The following PREX1 variants were observed in gnomAD, a reference collection of about 807,000 sequenced individuals.
The protein encoded by PREX1 is phosphatidylinositol-3,4,5-trisphosphate dependent Rac exchange factor 1, also known as phosphatidylinositol 3,4,5-trisphosphate-dependent Rac exchanger 1 protein.
PREX1 carries 41 observed loss-of-function variants against 198.3 expected under a neutral mutation model. The observed-to-expected ratio is 0.21, with a 90% CI of 0.16 to 0.27. PREX1 has a LOEUF of 0.27. Among genes scored for constraint, PREX1 ranks in the 10% least tolerant of loss-of-function variants. The pLI is 1.00. For missense variants in PREX1, 1,620 were observed against 2,200.7 expected, an observed-to-expected ratio of 0.74 and a Z score of 5.28; for synonymous variants, 843 against 887.2, an observed-to-expected ratio of 0.95 and a Z score of 0.89.
intron 17 of PREX1, 107 bp downstream of exon 17, chr20:48,658,029 C>T (rs759711215): frequency 2.9e-5 from 32 of 1,095,686 alleles, no homozygotes; most frequent in Non-Finnish European, 4.1e-5. Flanking sequence ...GAGGAGTCAG[C>T]GATCATTCCA....
At chr20:48,862,788 A>ATATATATAT in the PREX1 span, among the ~76,000 whole-genome samples, 34 of 49,814 alleles carry the variant, frequency 6.8e-4, no homozygotes, top group African/African-American at 3.1e-3. Flanking sequence ...CCTAAAAAAA[A>ATATATATAT]AAATATATAT....
chr20:48,684,905 A>G lies in PREX1; in HGVS notation c.1335-3570T>C, dbSNP rs567719927. ...GCGCCTACTGCTTCCTAAGCCAGGA[A>G]TGCTGTTCCCCACACCCTCTCATGG... On this transcript the variant is annotated intron_variant, in intron 10 of 39. Coordinates refer to ENST00000371941, the MANE Select transcript of PREX1 (RefSeq NM_020820.4). This position sits in a 1 kb window ranked among gnomAD's most constrained non-coding sequence, Gnocchi z 4.2. Among the ~76,000 whole-genome samples, 25 of 152,314 alleles carry G rather than the reference A, an allele frequency of 1.6e-4. No homozygotes were observed. The highest frequency in any genetic ancestry group is 3.2e-4 in the Non-Finnish European group (22 of 68,032).
chr20:48,761,591 C>T (rs527834467), intron 1 of PREX1, among the ~76,000 whole-genome samples: 5 of 151,796 alleles, frequency 3.3e-5, no homozygotes, highest in Non-Finnish European at 7.4e-5. Context: ...AACAACCTGT[C>T]ATGAAGAGGT....
At chr20:48,882,267 C>G in the PREX1 span, among the ~76,000 whole-genome samples, 1 of 151,866 alleles carries the variant, frequency 6.6e-6, no homozygotes, top group African/African-American at 2.4e-5. Context: ...CTTTGGGAGG[C>G]GGAGGCAGGC....
At chr20:48,650,403 C>A (rs2089485423) in intron 23 of PREX1, among the ~76,000 whole-genome samples, 197 bp from the exon 24 acceptor site, 1 of 152,236 alleles carries the variant, frequency 6.6e-6, no homozygotes, top group East Asian at 1.9e-4. Context: ...TGGAGGAACC[C>A]AAGGCCTCGG....
At chr20:48,878,919 G>A in the PREX1 span, among the ~76,000 whole-genome samples, 1 of 152,222 alleles carries the variant, frequency 6.6e-6, no homozygotes, top group Admixed American at 6.5e-5. Context: ...GATAATGGAA[G>A]TATTGAGGCT....
intron 1 of PREX1, among the ~76,000 whole-genome samples, chr20:48,758,460 C>A (rs1285511865): frequency 6.6e-6 from 1 of 152,046 alleles, no homozygotes; most frequent in East Asian, 1.9e-4. Context: ...GGTGTAGGGC[C>A]CCCCCGAGCT....
intron 3 of PREX1, among the ~76,000 whole-genome samples, chr20:48,740,293 C>G (rs754780364): frequency 1.3e-5 from 2 of 152,214 alleles, no homozygotes; most frequent in African/African-American, 4.8e-5. Context: ...AAATGCCTGT[C>G]ACAGAGACAG....
Position 48,636,634 on chromosome 20 carries a change from C to T in PREX1, c.3996G>A (p.Val1332=). 1 of 1,611,222 alleles carries T rather than the reference C, an allele frequency of 6.2e-7. No individual in the cohort carries two copies. The highest frequency in any genetic ancestry group is 8.5e-7 in the Non-Finnish European group (1 of 1,179,398). Residue 1332 remains valine, a synonymous_variant, in exon 32 of 40, where the codon GTG becomes GTA. Transcript: ENST00000371941. ...GCTTGGAGAAGGTGCACACGGCGGC[C>T]ACCAGGGCCTGGCAGAAGATCGCGT... The part of the protein sequence containing the change: ...RRDAIFCQAL[V]AAVCTFSKQL...
At chr20:48,839,654 T>C in the PREX1 span, among the ~76,000 whole-genome samples, 1 of 152,244 alleles carries the variant, frequency 6.6e-6, no homozygotes, top group Non-Finnish European at 1.5e-5. Context: ...GGCTGCGGAC[T>C]ACATTTCCCA....
intron 1 of PREX1, among the ~76,000 whole-genome samples, chr20:48,751,119 G>A (rs147976508): frequency 4.6e-5 from 7 of 152,210 alleles, no homozygotes; most frequent in Admixed American, 2.0e-4. Context: ...TTTGGAATGC[G>A]CCTGGCACAG....
intron 5 of PREX1, among the ~76,000 whole-genome samples, chr20:48,715,636 AATG>A (rs2089958739): frequency 6.6e-6 from 1 of 152,196 alleles, no homozygotes; most frequent in Non-Finnish European, 1.5e-5. Context: ...TGGGGTGATG[AATG>A]TAAAAGTCTT....
intron 5 of PREX1, among the ~76,000 whole-genome samples, chr20:48,711,416 T>C (rs545537396): frequency 1.3e-5 from 2 of 152,162 alleles, no homozygotes; most frequent in African/African-American, 4.8e-5. Flanking sequence ...ATCTGGACCT[T>C]TGTGAGGCCA....
intron 10 of PREX1, among the ~76,000 whole-genome samples, chr20:48,686,791 C>T (rs1029255297): frequency 1.2e-4 from 19 of 152,236 alleles, no homozygotes; most frequent in African/African-American, 4.8e-5. Flanking sequence ...GAGTCCATGG[C>T]GCCCTGCAGG....
intron 3 of PREX1, 73 bp from the exon 4 acceptor site, chr20:48,734,723 C>T: frequency 7.4e-7 from 1 of 1,350,912 alleles, no homozygotes; most frequent in Non-Finnish European, 1.1e-6. Context: ...ATGCTGACCA[C>T]TGGGCTGGTA....
At chr20:48,799,913 C>T (rs1008267081) in intron 1 of PREX1, among the ~76,000 whole-genome samples, 1 of 152,088 alleles carries the variant, frequency 6.6e-6, no homozygotes, top group Admixed American at 6.5e-5. Context: ...TAATCTGCCT[C>T]TGCGCCAGGG....
intron 1 of PREX1, among the ~76,000 whole-genome samples, chr20:48,802,806 A>G (rs901920377): frequency 1.3e-5 from 2 of 152,194 alleles, no homozygotes; most frequent in African/African-American, 4.8e-5. Context: ...TATGCCTGAC[A>G]TGGTGTGGGA....
intron 1 of PREX1, among the ~76,000 whole-genome samples, chr20:48,819,539 G>C (rs2090474282): frequency 6.6e-6 from 1 of 152,190 alleles, no homozygotes; most frequent in South Asian, 2.1e-4. Context: ...CTCCCCAGCT[G>C]TGTGGACTTC....
intron 5 of PREX1, among the ~76,000 whole-genome samples, chr20:48,721,521 T>C (rs924087042): frequency 3.3e-5 from 5 of 152,144 alleles, no homozygotes; most frequent in African/African-American, 1.2e-4. Context: ...AACCTGCTTG[T>C]TGTGTTCAGA....
Sources: allele counts gnomAD v4.1 joint callset (sites outside exome capture counted in the v4.1 genomes callset), GRCh38; gene constraint gnomAD v4.1.1; non-coding constraint Gnocchi (gnomAD v3.1); transcripts MANE v1.5; gene names NCBI Gene and HGNC (gene_info 2026-07-23, HGNC 2026-07-21).